Variants in GPR39 observed in about 807,000 individuals in gnomAD.
GPR39 encodes zinc sensing receptor.
GPR39 carries 23 observed loss-of-function variants against 18.4 expected under a neutral mutation model. The observed-to-expected ratio is 1.25, with a 90% confidence interval of 0.90 to 1.77. The LOEUF (loss-of-function observed/expected upper bound fraction) is 1.77. GPR39 is among the 40% of genes most tolerant of loss of function. The pLI is 0.00. For synonymous variants in GPR39, 280 were observed against 257.9 expected (o/e 1.09, Z -0.82); for missense variants, 647 against 602.4 (o/e 1.07, Z -0.78).
chr2:132,448,257 A>G (rs1388225147), intron 1 of GPR39, among the ~76,000 whole-genome samples: 1 of 152,184 alleles, frequency 6.6e-6, no homozygotes, highest in African/African-American at 2.4e-5. Flanking sequence ...AGTGATGACA[A>G]TGAAATAGTA....
intron 1 of GPR39, among the ~76,000 whole-genome samples, chr2:132,459,864 G>T (rs1680801429): frequency 1.3e-5 from 2 of 152,274 alleles, no homozygotes; most frequent in Admixed American, 1.3e-4. Context: ...TTGTCTCCAG[G>T]ATTACGTAGA....
intron 1 of GPR39, among the ~76,000 whole-genome samples, chr2:132,440,937 A>G (rs946066348): frequency 2.6e-5 from 4 of 152,060 alleles, no homozygotes; most frequent in African/African-American, 7.2e-5. Context: ...CCTCCAGCCT[A>G]CTTGCCTTTG....
At chr2:132,489,327 G>A (rs1026748387) in intron 1 of GPR39, among the ~76,000 whole-genome samples, 1 of 152,046 alleles carries the variant, frequency 6.6e-6, no homozygotes, top group Non-Finnish European at 1.5e-5. Flanking sequence ...GCTTGGTGCC[G>A]GCAGCACCGA....
At chr2:132,573,007 A>G (rs1381416272) in intron 1 of GPR39, among the ~76,000 whole-genome samples, 1 of 152,256 alleles carries the variant, frequency 6.6e-6, no homozygotes, top group East Asian at 1.9e-4. Flanking sequence ...CCAGGCACAC[A>G]TGGGTGCCCA....
intron 1 of GPR39, among the ~76,000 whole-genome samples, chr2:132,589,227 T>G (rs1680785170): frequency 6.6e-6 from 1 of 152,058 alleles, no homozygotes; most frequent in Non-Finnish European, 1.5e-5. Context: ...CCCTCCCCAT[T>G]GCCCCTCTGC....
chr2:132,572,646 G>T (rs1680462017), intron 1 of GPR39, among the ~76,000 whole-genome samples: 1 of 152,014 alleles, frequency 6.6e-6, no homozygotes, highest in South Asian at 2.1e-4. Flanking sequence ...GAATCCAGGT[G>T]ATCCCAGATA....
chr2:132,603,645 A>G (rs1303710795), intron 1 of GPR39, among the ~76,000 whole-genome samples: 1 of 152,188 alleles, frequency 6.6e-6, no homozygotes, highest in Non-Finnish European at 1.5e-5. Context: ...ATAAATATGT[A>G]CAATTATTAC....
At chr2:132,463,800 T>C (rs1173393376) in intron 1 of GPR39, among the ~76,000 whole-genome samples, 1 of 152,252 alleles carries the variant, frequency 6.6e-6, no homozygotes, top group African/African-American at 2.4e-5. Flanking sequence ...TTAATGTCTC[T>C]GCTGGTTTTG....
rs142689980 is a variant in GPR39, at chr2:132,434,221, G to A, written c.856+16323G>A. Among the ~76,000 whole-genome samples, 236 of 152,292 alleles carry A rather than the reference G, an allele frequency of 1.5e-3. 4 individuals are homozygous for A. The highest frequency in any genetic ancestry group is 5.3e-3 in the African/African-American group (219 of 41,560). On this transcript the variant is annotated intron_variant, in intron 1 of 1. Coordinates refer to ENST00000329321, the MANE Select transcript of GPR39 (RefSeq NM_001508.3). ...AGCATCAAGATTTAAGGCAGGAAGG[G>A]ATAGGCTAACTCTACTGTTTTGTTC...
rs76813821 is a variant in GPR39, at chr2:132,582,206, G to A, written c.857-62895G>A. Among the ~76,000 whole-genome samples, 222 of 152,282 alleles carry A rather than the reference G, an allele frequency of 1.5e-3. 5 individuals are homozygous for A. The East Asian group carries it at 0.037, about 26-fold the overall frequency. On this transcript the variant is annotated intron_variant, in intron 1 of 1. Transcript: ENST00000329321. ...GGAGGAAGTGGGTTTGGCGCTGTGC[G>A]ATCACCTCCATATGCTTGCGGGGAA...
chr2:132,519,793 G>A (rs530788402), intron 1 of GPR39, among the ~76,000 whole-genome samples: 3 of 152,150 alleles, frequency 2.0e-5, no homozygotes, highest in Non-Finnish European at 4.4e-5. Flanking sequence ...TCTCATCATT[G>A]CTATTTCCAC....
chr2:132,445,782 G>A (rs895723601), intron 1 of GPR39, among the ~76,000 whole-genome samples: 1 of 152,164 alleles, frequency 6.6e-6, no homozygotes, highest in Non-Finnish European at 1.5e-5. Context: ...CTGCCTTCTA[G>A]AAACACATTA....
chr2:132,426,275 A>G (rs1680116269), intron 1 of GPR39, among the ~76,000 whole-genome samples: 1 of 152,352 alleles, frequency 6.6e-6, no homozygotes, highest in South Asian at 2.1e-4. Context: ...TGTTCACTGG[A>G]CTTTTAAACT....
intron 1 of GPR39, among the ~76,000 whole-genome samples, chr2:132,596,723 G>A (rs1366511283): frequency 6.6e-6 from 1 of 151,896 alleles, no homozygotes; most frequent in African/African-American, 2.4e-5. Flanking sequence ...CTTAGCCTTG[G>A]CTTGGAACAT....
chr2:132,554,456 T>C (rs1248069384), intron 1 of GPR39, among the ~76,000 whole-genome samples: 1 of 152,176 alleles, frequency 6.6e-6, no homozygotes, highest in Non-Finnish European at 1.5e-5. Flanking sequence ...AATGGGATGC[T>C]CATGAGTTTG....
intron 1 of GPR39, among the ~76,000 whole-genome samples, chr2:132,628,984 C>T (rs1681602236): frequency 1.3e-5 from 2 of 152,130 alleles, no homozygotes; most frequent in South Asian, 2.1e-4. Flanking sequence ...ATGTGGTTGT[C>T]CTGTCTTGGA....
intron 1 of GPR39, among the ~76,000 whole-genome samples, chr2:132,616,038 T>TGG (rs1387046770): frequency 6.6e-6 from 1 of 150,718 alleles, no homozygotes; most frequent in Non-Finnish European, 1.5e-5. Context: ...ACAGCCTCCC[T>TGG]CCCTCCTGCA....
intron 1 of GPR39, among the ~76,000 whole-genome samples, chr2:132,636,859 A>T (rs1056856664): frequency 1.3e-5 from 2 of 152,152 alleles, no homozygotes; most frequent in Admixed American, 1.3e-4. Context: ...CTTCTTCATT[A>T]TATGCTCTGC....
intron 1 of GPR39, among the ~76,000 whole-genome samples, chr2:132,500,008 T>C (rs1054262774): frequency 7.2e-5 from 11 of 152,174 alleles, no homozygotes; most frequent in African/African-American, 2.7e-4. Flanking sequence ...TTTCTATGTA[T>C]ACGATCATAT....
Sources: gnomAD v4.1 joint callset for allele counts (sites outside exome capture counted in the v4.1 genomes callset) on GRCh38, gnomAD v4.1.1 for gene constraint, MANE v1.5 for transcripts, NCBI Gene and HGNC (gene_info 2026-07-23, HGNC 2026-07-21) for gene names.